The following ME1 variants were observed in gnomAD, a reference collection of about 807,000 sequenced individuals.
ME1 encodes the protein NADP-dependent malic enzyme.
Under a neutral mutation model 66.4 loss-of-function variants are expected in ME1, and 74 were observed. That is an observed-to-expected ratio of 1.11 (90% CI 0.92 to 1.35). The LOEUF (loss-of-function observed/expected upper bound fraction) is 1.35, where lower values mean the gene tolerates loss of function less well. Ranked by LOEUF, ME1 falls within the 40% of genes most tolerant of loss-of-function variation. The pLI is 0.00. For missense variants in ME1, 750 were observed against 694.1 expected, an observed-to-expected ratio of 1.08 and a Z score of -0.90; for synonymous variants, 251 against 235.6, an observed-to-expected ratio of 1.07 and a Z score of -0.60.
At chr6:83,388,233 C>T (rs893173089) in intron 3 of ME1, among the ~76,000 whole-genome samples, 3 of 151,752 alleles carry the variant, frequency 2.0e-5, no homozygotes, top group Admixed American at 6.6e-5. Flanking sequence ...GACTATAGCA[C>T]GCACCACCAC....
chr6:83,420,830 T>C (rs1011782250), intron 1 of ME1, among the ~76,000 whole-genome samples: 9 of 152,208 alleles, frequency 5.9e-5, no homozygotes, highest in Admixed American at 6.5e-5. Context: ...TGCAAAACAG[T>C]ATAACACTCC....
chr6:83,268,192 T>A (rs1767022855), intron 6 of ME1, among the ~76,000 whole-genome samples: 1 of 151,994 alleles, frequency 6.6e-6, no homozygotes, highest in African/African-American at 2.4e-5. Context: ...TTCTCAAAAA[T>A]AAAAAAATTG....
chr6:83,391,959 T>G (rs1769630303), intron 3 of ME1, among the ~76,000 whole-genome samples: 2 of 152,262 alleles, frequency 1.3e-5, no homozygotes, highest in African/African-American at 4.8e-5. Flanking sequence ...TCTTTCTCCA[T>G]AACACTTATC....
chr6:83,373,774 C>T (rs867283590), intron 3 of ME1, among the ~76,000 whole-genome samples: 4 of 152,008 alleles, frequency 2.6e-5, no homozygotes, highest in Non-Finnish European at 4.4e-5. Context: ...CCTCACCCCC[C>T]ACAGGCCCTG....
chr6:83,251,956 G>A (rs1790732636), intron 7 of ME1, among the ~76,000 whole-genome samples: 1 of 152,184 alleles, frequency 6.6e-6, no homozygotes, highest in Non-Finnish European at 1.5e-5. Context: ...AAATTGTAGA[G>A]ATATTATGCA....
intron 6 of ME1, among the ~76,000 whole-genome samples, chr6:83,301,336 C>CTCTCTCTT (rs1050827447): frequency 1.6e-5 from 2 of 123,520 alleles, no homozygotes; most frequent in African/African-American, 8.4e-5. Context: ...CTCTCTCTCT[C>CTCTCTCTT]TCTTTCTTTC....
intron 3 of ME1, among the ~76,000 whole-genome samples, chr6:83,373,712 C>T (rs1191619166): frequency 6.6e-6 from 1 of 152,084 alleles, no homozygotes; most frequent in Non-Finnish European, 1.5e-5. Flanking sequence ...ATCGACCTGT[C>T]ATCTAGGTAT....
intron 9 of ME1, among the ~76,000 whole-genome samples, chr6:83,236,101 A>T (rs1029037643): frequency 1.3e-5 from 2 of 152,110 alleles, no homozygotes; most frequent in Non-Finnish European, 2.9e-5. Flanking sequence ...TATATTATGA[A>T]TCCTTTACCA....
At chr6:83,255,386 TAATTGTTTTCACCAAATA>T (rs1766747525) in intron 6 of ME1, among the ~76,000 whole-genome samples, 1 of 152,128 alleles carries the variant, frequency 6.6e-6, no homozygotes, top group East Asian at 1.9e-4. Flanking sequence ...ACAGTGTTCC[TAATTGTTTTCACCAAATA>T]AATTTTAAAT....
At chr6:83,254,481 C>T (rs1416238935) in intron 6 of ME1, among the ~76,000 whole-genome samples, 1 of 152,120 alleles carries the variant, frequency 6.6e-6, no homozygotes, top group East Asian at 1.9e-4. Context: ...TACATTTCAA[C>T]ATATACAACG....
At chr6:83,302,719 AAGG>A (rs1389388236) in intron 6 of ME1, among the ~76,000 whole-genome samples, 2 of 152,230 alleles carry the variant, frequency 1.3e-5, no homozygotes, top group Non-Finnish European at 2.9e-5. Context: ...CTGGGGGAAG[AAGG>A]AGCAGTTTAT....
chr6:83,398,565 T>C, intron 2 of ME1, 49 bp from the exon 3 acceptor site: 4 of 943,018 alleles, frequency 4.2e-6, no homozygotes, highest in Non-Finnish European at 6.3e-6. Context: ...AGTCATGAAA[T>C]AGCTACTTAG....
intron 2 of ME1, among the ~76,000 whole-genome samples, chr6:83,404,911 C>T (rs1769910091): frequency 6.6e-6 from 1 of 152,096 alleles, no homozygotes; most frequent in Non-Finnish European, 1.5e-5. Flanking sequence ...TTACTGTTGC[C>T]TTGTAGTATA....
intron 5 of ME1, among the ~76,000 whole-genome samples, chr6:83,321,933 G>C (rs1236485678): frequency 6.6e-6 from 1 of 152,180 alleles, no homozygotes; most frequent in Non-Finnish European, 1.5e-5. Context: ...TGCCCCTCTT[G>C]GGGGAAGCTG....
chr6:83,404,495 T>C (rs1769898949), intron 2 of ME1, among the ~76,000 whole-genome samples: 2 of 152,204 alleles, frequency 1.3e-5, no homozygotes, highest in African/African-American at 4.8e-5. Flanking sequence ...GCAGAAGCTC[T>C]AAGCTCTTTG....
Position 83,407,896 on chromosome 6 carries a change from C to G in ME1, c.84G>C (p.Leu28Phe). Residue 28 changes from leucine to phenylalanine, a missense_variant, in exon 2 of 14, where the codon TTG (leucine) becomes TTC (phenylalanine). Transcript: ENST00000369705. ...LTRNPHLNKD[L>F]AFTLEERQQL... ...GCTGTCTCTCTTCCAGGGTAAAGGCCAAGTCCTATAGAGAAAAAACACACA... is the reference window on the plus strand; with the variant it reads ...GCTGTCTCTCTTCCAGGGTAAAGGCGAAGTCCTATAGAGAAAAAACACACA... 6.2e-7 allele frequency: 1 copy of G among 1,606,564 alleles called. No homozygotes were observed. The highest frequency in any genetic ancestry group is 1.7e-4 in the Middle Eastern group (1 of 6,022).
chr6:83,301,555 C>T (rs1392365618), intron 6 of ME1, among the ~76,000 whole-genome samples: 2 of 152,058 alleles, frequency 1.3e-5, no homozygotes, highest in Non-Finnish European at 2.9e-5. Context: ...GTTGACCAGG[C>T]TGGTCTTGAA....
intron 1 of ME1, among the ~76,000 whole-genome samples, chr6:83,424,184 T>G (rs1770324812): frequency 6.6e-6 from 1 of 151,838 alleles, no homozygotes; most frequent in Non-Finnish European, 1.5e-5. Context: ...TAAGAGGATA[T>G]AATACATATA....
intron 5 of ME1, among the ~76,000 whole-genome samples, chr6:83,340,465 T>C (rs1470657109): frequency 6.6e-6 from 1 of 152,176 alleles, no homozygotes; most frequent in Admixed American, 6.5e-5. Context: ...ATAAAGAACT[T>C]TTGCTTCTAC....
Sources: allele counts gnomAD v4.1 joint callset (sites outside exome capture counted in the v4.1 genomes callset), GRCh38; gene constraint gnomAD v4.1.1; transcripts MANE v1.5; gene names NCBI Gene and HGNC (gene_info 2026-07-23, HGNC 2026-07-21).